Variants in RHOBTB1 observed in about 807,000 individuals in gnomAD.
RHOBTB1 encodes the protein Rho related BTB domain containing 1.
Under a neutral mutation model 71.6 loss-of-function variants are expected in RHOBTB1, and 40 were observed. The ratio of observed to expected loss-of-function variants is 0.56; its 90% CI spans 0.43 to 0.73. The LOEUF (loss-of-function observed/expected upper bound fraction) is 0.73. Among genes scored for constraint, RHOBTB1 ranks in the 30% least tolerant of loss-of-function variants. RHOBTB1 has a pLI of 0.00. For missense variants in RHOBTB1, 797 were observed against 894.0 expected (o/e 0.89, Z 1.38); for synonymous variants, 319 against 334.9 (o/e 0.95, Z 0.52).
At chr10:60,968,570 A>C (rs2134634731) in intron 2 of RHOBTB1, among the ~76,000 whole-genome samples, 1 of 152,238 alleles carries the variant, frequency 6.6e-6, no homozygotes, top group South Asian at 2.1e-4. Context: ...GGAGCTGCAG[A>C]AAGCAGGAGA....
At chr10:60,905,573 G>GA (rs113334669) in intron 4 of RHOBTB1, among the ~76,000 whole-genome samples, 10,435 of 150,662 alleles carry the variant, frequency 0.069, 741 homozygotes, top group African/African-American at 0.19. Flanking sequence ...GAGGCAGAAG[G>GA]GAAAAAAAAA....
chr10:60,921,764 T>C (rs897036517), intron 2 of RHOBTB1, among the ~76,000 whole-genome samples: 1 of 152,230 alleles, frequency 6.6e-6, no homozygotes, highest in Non-Finnish European at 1.5e-5. Flanking sequence ...TTAAGCCCTG[T>C]GGCCTTGAAA....
At chr10:60,967,466 C>G (rs2086010072) in intron 2 of RHOBTB1, among the ~76,000 whole-genome samples, 1 of 151,816 alleles carries the variant, frequency 6.6e-6, no homozygotes, top group South Asian at 2.1e-4. Context: ...TCTTTGTTTG[C>G]TTTTCAGGTT....
chr10:60,962,589 T>C (rs2085820855), intron 2 of RHOBTB1, among the ~76,000 whole-genome samples: 1 of 152,202 alleles, frequency 6.6e-6, no homozygotes, highest in African/African-American at 2.4e-5. Context: ...TTTTTTTCTG[T>C]ATAAAATAAT....
chr10:60,995,640 T>G (rs991519316), intron 1 of RHOBTB1, among the ~76,000 whole-genome samples: 1 of 152,208 alleles, frequency 6.6e-6, no homozygotes. Flanking sequence ...ATCTGAATTA[T>G]CCATAATATT....
Position 60,904,550 on chromosome 10 carries a change from C to G in RHOBTB1, c.296+6337G>C, listed in dbSNP as rs546939818. ...ATGTGCTCTTTTTTGCTTGGCGTCC[C>G]TTACTCAAAAGCTCTCTCTCTAATC... On this transcript the variant is annotated intron_variant, in intron 4 of 10. Coordinates refer to ENST00000337910, the MANE Select transcript of RHOBTB1 (RefSeq NM_014836.5). Among the ~76,000 whole-genome samples, 14 of 152,254 alleles carry G rather than the reference C, an allele frequency of 9.2e-5. No individual in the cohort carries two copies. The South Asian group carries it at 1.5e-3, about 16-fold the overall frequency.
At chr10:60,965,658 G>C (rs1362052806) in intron 2 of RHOBTB1, among the ~76,000 whole-genome samples, 1 of 152,154 alleles carries the variant, frequency 6.6e-6, no homozygotes, top group African/African-American at 2.4e-5. Flanking sequence ...CTGAATGAAT[G>C]AATGAATGAA....
intron 4 of RHOBTB1, among the ~76,000 whole-genome samples, chr10:60,904,722 C>G (rs930511443): frequency 6.6e-6 from 1 of 152,234 alleles, no homozygotes; most frequent in Non-Finnish European, 1.5e-5. Context: ...TCTTCCAGAA[C>G]TCTTACATCC....
intron 4 of RHOBTB1, among the ~76,000 whole-genome samples, chr10:60,902,560 G>A (rs2082460868): frequency 6.6e-6 from 1 of 152,098 alleles, no homozygotes; most frequent in South Asian, 2.1e-4. Context: ...ATTCACAAAA[G>A]GCATTACCAA....
chr10:60,925,015 C>G (rs80097554), intron 2 of RHOBTB1, among the ~76,000 whole-genome samples: 51 of 152,334 alleles, frequency 3.3e-4, no homozygotes, highest in Non-Finnish European at 6.6e-4. Flanking sequence ...GAGCCATCCT[C>G]TTGGTGATAA....
intron 2 of RHOBTB1, among the ~76,000 whole-genome samples, chr10:60,931,156 G>C (rs896033840): frequency 2.0e-5 from 3 of 151,936 alleles, no homozygotes; most frequent in Non-Finnish European, 4.4e-5. Flanking sequence ...TACAATGCAC[G>C]TCTTATTTTT....
At chr10:60,862,253 A>T in the RHOBTB1 span, among the ~76,000 whole-genome samples, 1 of 149,208 alleles carries the variant, frequency 6.7e-6, no homozygotes. Flanking sequence ...GCTGGACTGC[A>T]GTGGCGTGAT....
At chr10:60,980,716 T>G (rs1054433888) in intron 2 of RHOBTB1, among the ~76,000 whole-genome samples, 2 of 152,158 alleles carry the variant, frequency 1.3e-5, no homozygotes, top group Non-Finnish European at 2.9e-5. Flanking sequence ...ACCTAAACAT[T>G]GATGAAAGGT....
At chr10:60,935,928 T>G (rs1438191757) in intron 2 of RHOBTB1, among the ~76,000 whole-genome samples, 1 of 152,158 alleles carries the variant, frequency 6.6e-6, no homozygotes, top group Non-Finnish European at 1.5e-5. Flanking sequence ...GTGGGAATAT[T>G]TACACCACAG....
chr10:60,883,117 T>G (rs1311449110), intron 7 of RHOBTB1, among the ~76,000 whole-genome samples: 1 of 152,200 alleles, frequency 6.6e-6, no homozygotes, highest in Non-Finnish European at 1.5e-5. Flanking sequence ...GGCGAGAATG[T>G]CGACAGCTCA....
At chr10:60,868,748 A>G (rs1266033174), downstream of RHOBTB1, among the ~76,000 whole-genome samples, 1 of 152,242 alleles carries the variant, frequency 6.6e-6, no homozygotes, top group African/African-American at 2.4e-5. Context: ...CATTACTCCC[A>G]GAAACTTAGA....
chr10:60,889,603 C>T (rs910214454), intron 5 of RHOBTB1, among the ~76,000 whole-genome samples: 11 of 151,840 alleles, frequency 7.2e-5, no homozygotes, highest in Admixed American at 2.0e-4. Context: ...TTCCTTAGAA[C>T]TTTTCATTTA....
chr10:60,928,557 G>A (rs966114007), intron 2 of RHOBTB1, among the ~76,000 whole-genome samples: 4 of 151,706 alleles, frequency 2.6e-5, no homozygotes, highest in African/African-American at 9.7e-5. Flanking sequence ...CTCATATACA[G>A]GAGCTCCAAA....
At position 60,869,507 on chromosome 10, in the gene RHOBTB1, G is replaced by A. The variant is rs986021135; in HGVS notation, c.*1975C>T. Reference sequence around the variant, plus strand: ...CACACAACAAACCACCATGGTTAAAGGCCATAATCAGCATCAACCAAATGA... The same window carrying A: ...CACACAACAAACCACCATGGTTAAAAGCCATAATCAGCATCAACCAAATGA... On this transcript the variant is annotated 3_prime_UTR_variant, in exon 11 of 11. Transcript: ENST00000337910. The A allele has an allele frequency of 1.3e-5, 2 of 152,574 alleles. No homozygotes were observed. The highest frequency in any genetic ancestry group is 4.8e-5 in the African/African-American group (2 of 41,434). The allele number at this position is 152,574 out of a possible 1,614,324, so 9.5% of individuals were successfully genotyped here.
Sources: gnomAD v4.1 joint callset for allele counts (sites outside exome capture counted in the v4.1 genomes callset) on GRCh38, gnomAD v4.1.1 for gene constraint, MANE v1.5 for transcripts, NCBI Gene and HGNC (gene_info 2026-07-23, HGNC 2026-07-21) for gene names.